Variants in UIMC1 observed in about 807,000 individuals in gnomAD.
The protein encoded by UIMC1 is BRCA1-A complex subunit RAP80.
In UIMC1, 42 loss-of-function variants were observed where a neutral mutation model predicts 84.9. That is an observed-to-expected ratio of 0.49 (90% CI 0.39 to 0.64). UIMC1 has a LOEUF of 0.64. Ranked by LOEUF, UIMC1 falls within the 30% of genes least tolerant of loss-of-function variation. The pLI, the probability that UIMC1 is intolerant of heterozygous loss-of-function variation, is 0.00. For synonymous variants in UIMC1, 281 were observed against 293.0 expected (o/e 0.96, Z 0.42); for missense variants, 825 against 847.6 (o/e 0.97, Z 0.33).
At chr5:177,014,674 G>A (rs905311213) in intron 1 of UIMC1, among the ~76,000 whole-genome samples, 4 of 151,950 alleles carry the variant, frequency 2.6e-5, no homozygotes, top group Non-Finnish European at 5.9e-5. Context: ...CTCCAGCCTG[G>A]GTGAAAGAGC....
Position 176,994,389 on chromosome 5 carries a change from C to G in UIMC1, c.-8-11766G>C, listed in dbSNP as rs895053662. Among the ~76,000 whole-genome samples the G allele has an allele frequency of 7.3e-5, 11 of 151,154 alleles. 1 individual carries two copies. Among genetic ancestry groups the G allele is most frequent in the African/African-American group, 2.7e-4 (11 of 41,082 alleles). On this transcript the variant is annotated intron_variant, in intron 1 of 14. Coordinates refer to ENST00000511320, the MANE Select transcript of UIMC1 (RefSeq NM_001199298.2). ...TAACACTGTATATCCATTAGAATGGCTAAAATTGAAAATAGTGACAATACA... is the reference window on the plus strand; with the variant it reads ...TAACACTGTATATCCATTAGAATGGGTAAAATTGAAAATAGTGACAATACA...
chr5:176,905,481 G>C lies in UIMC1; in HGVS notation c.1961C>G (p.Pro654Arg), dbSNP rs759777592. ...GCTGCAGCCTGCCTCTTCCATCCCTGGTGAAGGCACCCTAGAGAGAAGGAA... is the reference window on the plus strand; with the variant it reads ...GCTGCAGCCTGCCTCTTCCATCCCTCGTGAAGGCACCCTAGAGAGAAGGAA... ...SETGAFRVPS[P>R]GMEEAGCSRE... Residue 654 changes from proline (P) to arginine (R), a missense_variant, in exon 15 of 15, where the codon CCA becomes CGA. Pro to Arg is a moderately radical substitution (Grantham distance 103). Transcript: ENST00000511320. The C allele has an allele frequency of 6.2e-6, 10 of 1,613,682 alleles. No individual in the cohort carries two copies. In the South Asian group the frequency reaches 1.1e-4, roughly 18 times the overall value.
chr5:176,937,395 TGA>T (rs1178506676), intron 10 of UIMC1, among the ~76,000 whole-genome samples: 1 of 152,030 alleles, frequency 6.6e-6, no homozygotes, highest in African/African-American at 2.4e-5. Context: ...CTCGGGAGAC[TGA>T]GACAGGAGAA....
Position 176,905,302 on chromosome 5 carries a change from C to G in UIMC1, c.2140G>C (p.Gly714Arg), listed in dbSNP as rs1323061097. 15 of 1,613,906 alleles carry G rather than the reference C, an allele frequency of 9.3e-6. No homozygotes were observed. The highest frequency in any genetic ancestry group is 1.3e-5 in the Non-Finnish European group (15 of 1,179,932). The change falls in exon 15 of 15, where the codon GGA becomes CGA. Residue 714 changes from glycine (G) to arginine (R), a missense_variant. By Grantham distance (125) the Gly-to-Arg change is moderately radical. Coordinates refer to ENST00000511320, the MANE Select transcript of UIMC1 (RefSeq NM_001199298.2). The part of the protein sequence containing the change: ...GSRTRTKAGR[G>R]RRRKF Reference sequence around the variant, plus strand: ...GAAATTCAGAATTTTCTCCTTCTTCCTCTGCCAGCTTTGGTCCGTGTCCGA... The same window carrying G: ...GAAATTCAGAATTTTCTCCTTCTTCGTCTGCCAGCTTTGGTCCGTGTCCGA...
chr5:176,931,573 A>G (rs1763088488), intron 10 of UIMC1, among the ~76,000 whole-genome samples: 1 of 152,240 alleles, frequency 6.6e-6, no homozygotes, highest in Non-Finnish European at 1.5e-5. Flanking sequence ...ATTCATGCAG[A>G]CGTACACTGC....
rs536019833 is a variant in UIMC1, at chr5:176,917,331, G to GGA, written c.1598-5944_1598-5943dup. 6.3e-3 allele frequency among the ~76,000 whole-genome samples: 962 copies of GGA among 152,284 alleles called. 4 individuals are homozygous for GGA. Among genetic ancestry groups the GGA allele is most frequent in the Non-Finnish European group, 9.9e-3 (673 of 68,016 alleles). ...CCACGCCTGTAATCCCAGCACTTTG[G>GGA]GAGGCCAAGGCAGGCGGATCACTTG... On this transcript the variant is annotated intron_variant, in intron 10 of 14. Transcript: ENST00000511320.
upstream of UIMC1, among the ~76,000 whole-genome samples, chr5:177,007,715 T>C (rs755823194): frequency 6.6e-6 from 1 of 152,200 alleles, no homozygotes; most frequent in Non-Finnish European, 1.5e-5. Flanking sequence ...ACTAGATGGA[T>C]ACCATGGTAA....
chr5:176,986,359 C>CAAAA (rs71583560), intron 1 of UIMC1, among the ~76,000 whole-genome samples: 3,563 of 28,012 alleles, frequency 0.13, 1,002 homozygotes, highest in Middle Eastern at 0.27. Context: ...GACTTCATCT[C>CAAAA]AAAAAAAAAA....
At chr5:176,944,935 C>A (rs1764895526) in intron 9 of UIMC1, among the ~76,000 whole-genome samples, 2 of 152,168 alleles carry the variant, frequency 1.3e-5, no homozygotes, top group Non-Finnish European at 2.9e-5. Flanking sequence ...CCCAACAAGC[C>A]GCTGGACAGA....
intron 1 of UIMC1, among the ~76,000 whole-genome samples, chr5:177,002,597 C>T (rs1222066379): frequency 6.6e-6 from 1 of 152,088 alleles, no homozygotes; most frequent in Non-Finnish European, 1.5e-5. Flanking sequence ...GTCAGGAAAT[C>T]GAGACCATCC....
intron 8 of UIMC1, among the ~76,000 whole-genome samples, chr5:176,952,269 G>A (rs528401063): frequency 1.3e-5 from 2 of 152,046 alleles, no homozygotes; most frequent in Non-Finnish European, 2.9e-5. Flanking sequence ...ACAGAAATTG[G>A]GACCAGAAAT....
At chr5:176,987,525 C>G (rs1772209527) in intron 1 of UIMC1, among the ~76,000 whole-genome samples, 1 of 151,886 alleles carries the variant, frequency 6.6e-6, no homozygotes, top group African/African-American at 2.4e-5. Flanking sequence ...TGGTGGTGCA[C>G]ACAGGTAGTC....
At chr5:176,921,315 C>T (rs2149406240) in intron 10 of UIMC1, among the ~76,000 whole-genome samples, 1 of 152,176 alleles carries the variant, frequency 6.6e-6, no homozygotes, top group East Asian at 1.9e-4. Flanking sequence ...TCCCCTCCTG[C>T]CATCATCTCT....
At chr5:176,989,600 T>C (rs1179563966) in intron 1 of UIMC1, among the ~76,000 whole-genome samples, 1 of 151,470 alleles carries the variant, frequency 6.6e-6, no homozygotes, top group Non-Finnish European at 1.5e-5. Context: ...GAGGTTGCAG[T>C]GAACCAAGAT....
intron 6 of UIMC1, among the ~76,000 whole-genome samples, chr5:176,966,003 G>C (rs1433424145): frequency 6.6e-6 from 1 of 152,122 alleles, no homozygotes; most frequent in Non-Finnish European, 1.5e-5. Context: ...ACTTTCCTTT[G>C]GAAAAGAAAC....
chr5:177,020,370 C>T (rs577928867), intron 1 of UIMC1, among the ~76,000 whole-genome samples: 20 of 152,206 alleles, frequency 1.3e-4, no homozygotes, highest in South Asian at 4.1e-4. Flanking sequence ...ATTAATGTTC[C>T]TAACACATCA....
intron 1 of UIMC1, chr5:177,001,283 T>C (rs1774409396): frequency 6.6e-6 from 1 of 152,238 alleles, no homozygotes. Context: ...CCCCAGTGTA[T>C]GTTCTTGGCA....
rs79547570 is a variant in UIMC1 at position 176,976,277 on chromosome 5, G to A, written c.148-797C>T. Among the ~76,000 whole-genome samples, 272 of 152,098 alleles carry A rather than the reference G, an allele frequency of 1.8e-3. 5 individuals carry two copies. The East Asian group carries it at 0.048, about 27-fold the overall frequency. ...CTGCAGCAAGCTAAGATCGCACCAC[G>A]ATATTCCAGCCTGGGAGACAAAGCA... is the stretch of plus-strand genomic sequence containing the variant. On this transcript the variant is annotated intron_variant, in intron 2 of 14. Transcript: ENST00000511320.
At chr5:176,968,341 CCAG>C (rs1044906888) in intron 6 of UIMC1, among the ~76,000 whole-genome samples, 29 of 151,926 alleles carry the variant, frequency 1.9e-4, no homozygotes, top group Non-Finnish European at 4.1e-4. Context: ...CCATTGCACT[CCAG>C]CCTGGGAGAC....
Sources: gnomAD v4.1 joint callset for allele counts (sites outside exome capture counted in the v4.1 genomes callset) on GRCh38, gnomAD v4.1.1 for gene constraint, MANE v1.5 for transcripts, NCBI Gene and HGNC (gene_info 2026-07-23, HGNC 2026-07-21) for gene names.